The following ERMP1 variants were observed in gnomAD, a reference collection of about 807,000 sequenced individuals.
ERMP1 encodes Felix-ina.
In ERMP1, 86 loss-of-function variants were observed where a neutral mutation model predicts 92.0. The ratio of observed to expected loss-of-function variants is 0.93; its 90% CI spans 0.79 to 1.12. The LOEUF is 1.12. ERMP1 is among the 50% of genes most tolerant of loss of function. The pLI, the probability that ERMP1 is intolerant of heterozygous loss-of-function variation, is 0.00. For synonymous variants in ERMP1, 530 were observed against 412.8 expected (o/e 1.28, Z -3.44); for missense variants, 1,342 against 1,116.3 (o/e 1.20, Z -2.88).
chr9:5,799,767 G>A (rs887463817), intron 11 of ERMP1, among the ~76,000 whole-genome samples: 1 of 152,162 alleles, frequency 6.6e-6, no homozygotes, highest in Non-Finnish European at 1.5e-5. Context: ...CACAGTGGAA[G>A]AGAACCCCCA....
chr9:5,791,094 T>C (rs1828174509), intron 13 of ERMP1: 2 of 359,458 alleles, frequency 5.6e-6, no homozygotes, highest in South Asian at 2.1e-5. Flanking sequence ...AGAAAAAGTA[T>C]AGCGTGAACA....
intron 6 of ERMP1, among the ~76,000 whole-genome samples, chr9:5,840,636 C>T (rs560269402): frequency 4.6e-5 from 7 of 152,340 alleles, no homozygotes; most frequent in East Asian, 1.9e-4. Flanking sequence ...ATGGGTGCTG[C>T]GCTGAAAGCA....
intron 13 of ERMP1, among the ~76,000 whole-genome samples, chr9:5,789,029 G>T (rs1313667887): frequency 1.3e-5 from 2 of 152,114 alleles, no homozygotes; most frequent in African/African-American, 4.8e-5. Context: ...TGGTAAAAAT[G>T]GAAGGCAGGT....
intron 6 of ERMP1, among the ~76,000 whole-genome samples, chr9:5,839,260 T>C (rs936756750): frequency 1.3e-5 from 2 of 152,240 alleles, no homozygotes; most frequent in Non-Finnish European, 2.9e-5. Flanking sequence ...TTAAATTCAG[T>C]CTGTGACCTG....
At chr9:5,793,429 G>A (rs1000026131) in intron 13 of ERMP1, among the ~76,000 whole-genome samples, 2 of 152,050 alleles carry the variant, frequency 1.3e-5, no homozygotes, top group Non-Finnish European at 2.9e-5. Context: ...TAACTAATAT[G>A]GTAGCTATTA....
chr9:5,818,443 T>C (rs560118991), intron 4 of ERMP1, among the ~76,000 whole-genome samples: 1 of 152,198 alleles, frequency 6.6e-6, no homozygotes, highest in Non-Finnish European at 1.5e-5. Context: ...AGACTGGACA[T>C]GATGCCTCAT....
rs1827983227 is a variant in ERMP1, at chr9:5,787,282, C to T, written c.2577G>A (p.Met859Ile). Reference protein sequence around the residue: ...VQVSEEHPEGMVTVAIAAHYL... With the variant: ...VQVSEEHPEGIVTVAIAAHYL... The stretch of plus-strand genomic sequence containing the variant: ...AGTGGGCAGCAATGGCCACGGTGAC[C>T]ATTCCTTCAGGATGTTCTTCTGAAA... The change falls in exon 15 of 15, where the codon ATG (methionine) becomes ATA (isoleucine). Residue 859 changes from methionine (M) to isoleucine (I), a missense_variant. By Grantham distance (10) the Met-to-Ile change is conservative (BLOSUM62 1). Transcript: ENST00000339450. 1 of 1,613,522 alleles carries T rather than the reference C, an allele frequency of 6.2e-7. No homozygotes were observed.
chr9:5,805,036 C>T lies in ERMP1; in HGVS notation c.1905G>A (p.Ser635=), dbSNP rs546666441. The T allele has an allele frequency of 1.7e-5, 28 of 1,602,998 alleles. No individual in the cohort carries two copies. Among genetic ancestry groups the T allele is most frequent in the African/African-American group, 8.1e-5 (6 of 73,898 alleles). ...SILAGCTMIL[S]SYFINFIYLA... ...ACTTATTTTCTCTTACAAAATAGGA[C>T]GAGAGAATCATTGTACAGCCAGCCA... Residue 635 remains serine (S), a synonymous_variant, in exon 10 of 15, where the codon TCG becomes TCA. Transcript: ENST00000339450.
At chr9:5,804,888 A>G in intron 10 of ERMP1, 139 bp downstream of exon 10, 1 of 660,218 alleles carries the variant, frequency 1.5e-6, no homozygotes, top group South Asian at 2.2e-5. Context: ...TACAAGATGC[A>G]TGGCCATTCA....
At chr9:5,792,156 G>T (rs10975283) in intron 13 of ERMP1, among the ~76,000 whole-genome samples, 1 of 151,980 alleles carries the variant, frequency 6.6e-6, no homozygotes, top group African/African-American at 2.4e-5. Context: ...GTGCTGAAAA[G>T]AATCCCGAAA....
At chr9:5,855,984 G>A (rs757213954) in intron 6 of ERMP1, 2 of 299,532 alleles carry the variant, frequency 6.7e-6, no homozygotes, top group Admixed American at 4.1e-5. Context: ...TGGACTAATG[G>A]TTCTCCAGAG....
At chr9:5,812,825 A>G in intron 5 of ERMP1, 64 bp downstream of exon 5, 4 of 1,570,918 alleles carry the variant, frequency 2.5e-6, no homozygotes, top group Non-Finnish European at 3.5e-6. Context: ...CATACTTTCA[A>G]GATTTAAAAT....
At chr9:5,810,783 C>T (rs1366581918) in intron 7 of ERMP1, among the ~76,000 whole-genome samples, 2 of 152,102 alleles carry the variant, frequency 1.3e-5, no homozygotes, top group Non-Finnish European at 2.9e-5. Context: ...ATTCATACTT[C>T]GTGACACTGG....
In ERMP1 at chr9:5,823,884, A is replaced by G; in HGVS notation, c.874+12T>C. 2.6e-6 allele frequency: 4 copies of G among 1,556,354 alleles called. No homozygotes were observed. Among genetic ancestry groups the G allele is most frequent in the Non-Finnish European group, 3.5e-6 (4 of 1,133,008 alleles). On this transcript the variant is annotated intron_variant, in intron 4 of 14. Transcript: ENST00000339450. ...AATTGCATTAAAATATACAACGCACAATCTCACATACCTGTTTGGAATACA... is the reference window on the plus strand; with the variant it reads ...AATTGCATTAAAATATACAACGCACGATCTCACATACCTGTTTGGAATACA...
At chr9:5,807,405 G>A (rs1307013775) in intron 8 of ERMP1, among the ~76,000 whole-genome samples, 1 of 151,916 alleles carries the variant, frequency 6.6e-6, no homozygotes, top group African/African-American at 2.4e-5. Flanking sequence ...ACCTTAAACC[G>A]CTCATCAATC....
chr9:5,805,357 G>T, intron 9 of ERMP1, 140 bp from the exon 10 acceptor site: 2 of 697,382 alleles, frequency 2.9e-6, no homozygotes, highest in South Asian at 4.7e-5. Context: ...ATGTTATCTT[G>T]GAGTAGGATC....
intron 6 of ERMP1, among the ~76,000 whole-genome samples, chr9:5,854,048 A>T (rs1830342246): frequency 6.6e-6 from 1 of 152,040 alleles, no homozygotes; most frequent in African/African-American, 2.4e-5. Context: ...GAGCTTATAT[A>T]TCATTTTAAC....
In ERMP1 at chr9:5,805,217, C is replaced by T. The variant is rs1243821528; in HGVS notation, c.1724G>A (p.Gly575Asp). Residue 575 changes from glycine (G) to aspartate (D), a missense_variant and splice_region_variant, in exon 10 of 15, where the codon GGT (glycine) becomes GAT (aspartate). By Grantham distance (94) the Gly-to-Asp change is moderately conservative. Transcript: ENST00000339450. ...LCVHKDFKQH[G>D]AQGKFIAFYL... The stretch of plus-strand genomic sequence containing the variant: ...AAAAGCAATAAATTTTCCTTGGGCA[C>T]CTAGGGAAAAAGAGAAAAAAAGCAC... 1 of 1,600,832 alleles carries T rather than the reference C, an allele frequency of 6.2e-7. No homozygotes were observed. The highest frequency in any genetic ancestry group is 1.1e-5 in the South Asian group (1 of 88,982).
chr9:5,790,747 CAT>C (rs1181537137), intron 13 of ERMP1, among the ~76,000 whole-genome samples: 1 of 152,164 alleles, frequency 6.6e-6, no homozygotes, highest in Non-Finnish European at 1.5e-5. Flanking sequence ...CATCAGATAA[CAT>C]AGCAACCACT....
Sources: allele counts gnomAD v4.1 joint callset (sites outside exome capture counted in the v4.1 genomes callset), GRCh38; gene constraint gnomAD v4.1.1; transcripts MANE v1.5; gene names NCBI Gene and HGNC (gene_info 2026-07-23, HGNC 2026-07-21).